SLC39A8: variants seen among roughly 807,000 people sequenced by gnomAD.
The protein encoded by SLC39A8 is metal cation symporter ZIP8.
In SLC39A8, 15 loss-of-function variants were observed where a neutral mutation model predicts 40.4. The ratio of observed to expected loss-of-function variants is 0.37; its 90% CI spans 0.25 to 0.57. The LOEUF (loss-of-function observed/expected upper bound fraction) is 0.57, where lower values mean the gene tolerates loss of function less well. Among genes scored for constraint, SLC39A8 ranks in the 20% least tolerant of loss-of-function variants. The probability of loss-of-function intolerance (pLI) is 0.75; values close to 1 mark genes in which losing one functional copy is unlikely to be tolerated. For synonymous variants in SLC39A8, 223 were observed against 221.6 expected (o/e 1.01, Z -0.06); for missense variants, 472 against 558.8 (o/e 0.84, Z 1.57).
At chr4:102,290,456 A>G (rs1733375982) in intron 6 of SLC39A8, among the ~76,000 whole-genome samples, 1 of 152,144 alleles carries the variant, frequency 6.6e-6, no homozygotes. Flanking sequence ...GGTAAAGAAC[A>G]TAATGATGTT....
At chr4:102,259,411 A>C, downstream of SLC39A8, 1 of 1,362,308 alleles carries the variant, frequency 7.3e-7, no homozygotes, top group Non-Finnish European at 1.0e-6. Flanking sequence ...TAAACTTTAA[A>C]ACATGCAAGC....
In SLC39A8 at chr4:102,262,172, T is replaced by C. The variant is rs546579235; in HGVS notation, c.*872A>G. ...TCTCTGCTAAATAGTTATGTTTGTC[T>C]TTAAAAGTAAATTGCATAAAATTAC... On this transcript the variant is annotated 3_prime_UTR_variant, in exon 9 of 9. Coordinates refer to ENST00000356736, the MANE Select transcript of SLC39A8 (RefSeq NM_001135146.2). 205 of 985,854 alleles carry C rather than the reference T, an allele frequency of 2.1e-4. No individual in the cohort carries two copies. The highest frequency in any genetic ancestry group is 2.4e-4 in the Non-Finnish European group (196 of 829,884). 61.1% of individuals were successfully genotyped at this position (985,854 alleles called of 1,614,324 possible). A position where few individuals can be genotyped will look rare whatever the true frequency, so the allele number is the denominator to read the frequency against.
chr4:102,253,474 G>T, intron 11 of SLC39A8: 2 of 701,462 alleles, frequency 2.9e-6, no homozygotes, highest in Admixed American at 2.1e-5. Flanking sequence ...TTAAGCATGT[G>T]AGTTACCATG....
intron 6 of SLC39A8, among the ~76,000 whole-genome samples, chr4:102,283,019 C>A (rs1200181371): frequency 6.6e-6 from 1 of 152,224 alleles, no homozygotes; most frequent in African/African-American, 2.4e-5. Flanking sequence ...AGCCACCACA[C>A]CCAGCCCTCA....
chr4:102,298,175 A>T (rs1054837925), intron 6 of SLC39A8, among the ~76,000 whole-genome samples: 2 of 148,658 alleles, frequency 1.3e-5, no homozygotes, highest in East Asian at 2.0e-4. Flanking sequence ...GTGGAGTAAT[A>T]AAAAAAAAAC....
At chr4:102,298,123 C>T (rs188999054) in intron 6 of SLC39A8, among the ~76,000 whole-genome samples, 2 of 151,980 alleles carry the variant, frequency 1.3e-5, no homozygotes, top group East Asian at 3.9e-4. Flanking sequence ...ATCATCATCT[C>T]AGTCTCCTTG....
intron 3 of SLC39A8, among the ~76,000 whole-genome samples, chr4:102,312,507 C>A (rs2149038610): frequency 6.6e-6 from 1 of 152,208 alleles, no homozygotes; most frequent in Non-Finnish European, 1.5e-5. Context: ...GTAACCTAGT[C>A]AACTGGGGTT....
At chr4:102,281,356 G>A (rs1345985096) in intron 6 of SLC39A8, among the ~76,000 whole-genome samples, 1 of 152,176 alleles carries the variant, frequency 6.6e-6, no homozygotes, top group Non-Finnish European at 1.5e-5. Context: ...AGGATGGGAT[G>A]CCGTGGAGAA....
chr4:102,304,234 A>G, intron 6 of SLC39A8, 83 bp downstream of exon 6: 1 of 1,068,486 alleles, frequency 9.4e-7, no homozygotes, highest in East Asian at 2.6e-5. Context: ...AATGTACAAA[A>G]ACTGACTTAG....
At chr4:102,321,296 A>T (rs1734955596) in intron 2 of SLC39A8, among the ~76,000 whole-genome samples, 1 of 152,222 alleles carries the variant, frequency 6.6e-6, no homozygotes, top group Admixed American at 6.5e-5. Flanking sequence ...TAGAAAGAGG[A>T]TGCTGCTACT....
chr4:102,338,376 T>C (rs968332093), intron 2 of SLC39A8, among the ~76,000 whole-genome samples: 10 of 151,994 alleles, frequency 6.6e-5, no homozygotes, highest in African/African-American at 2.4e-4. Context: ...TTAGTAGAGA[T>C]GGGGTTTCAC....
intron 3 of SLC39A8, among the ~76,000 whole-genome samples, chr4:102,308,846 C>A (rs1258703864): frequency 6.6e-6 from 1 of 152,042 alleles, no homozygotes; most frequent in African/African-American, 2.4e-5. Flanking sequence ...CTTATTTGAA[C>A]CTCACAAAAC....
intron 6 of SLC39A8, among the ~76,000 whole-genome samples, chr4:102,295,136 AC>A (rs1292564566): frequency 6.8e-6 from 1 of 148,122 alleles, no homozygotes; most frequent in Non-Finnish European, 1.5e-5. Flanking sequence ...ATAATATAAA[AC>A]TTTATATATG....
chr4:102,260,558 G>A (rs1215124983), downstream of SLC39A8, among the ~76,000 whole-genome samples: 5 of 152,218 alleles, frequency 3.3e-5, no homozygotes, highest in Non-Finnish European at 5.9e-5. Flanking sequence ...AATCTTGAAG[G>A]TGGGAGTCAC....
At chr4:102,327,581 AT>A (rs1264749723) in intron 2 of SLC39A8, among the ~76,000 whole-genome samples, 1 of 152,142 alleles carries the variant, frequency 6.6e-6, no homozygotes. Context: ...CCTGTTATCT[AT>A]TTGTTTAGCA....
downstream of SLC39A8, among the ~76,000 whole-genome samples, chr4:102,259,690 T>C (rs1186591523): frequency 6.6e-6 from 1 of 152,242 alleles, no homozygotes; most frequent in African/African-American, 2.4e-5. Context: ...TATGATGATC[T>C]CTGGTTACTT....
intron 6 of SLC39A8, among the ~76,000 whole-genome samples, chr4:102,295,403 G>A (rs1019681294): frequency 2.6e-5 from 4 of 151,936 alleles, no homozygotes; most frequent in African/African-American, 9.7e-5. Flanking sequence ...GGATATCAAA[G>A]TAGTCCATGA....
At chr4:102,258,890 C>T (rs181071613), downstream of SLC39A8, among the ~76,000 whole-genome samples, 562 of 152,330 alleles carry the variant, frequency 3.7e-3, 2 homozygotes, top group Middle Eastern at 0.027. Flanking sequence ...TAGTACCCCT[C>T]TTACACAAGA....
intron 6 of SLC39A8, among the ~76,000 whole-genome samples, chr4:102,298,360 A>G (rs967505270): frequency 2.0e-5 from 3 of 152,038 alleles, no homozygotes; most frequent in African/African-American, 7.2e-5. Flanking sequence ...GAGAAATTCC[A>G]CTAACAGCAA....
Sources: allele counts gnomAD v4.1 joint callset (sites outside exome capture counted in the v4.1 genomes callset), GRCh38; gene constraint gnomAD v4.1.1; transcripts MANE v1.5; gene names NCBI Gene and HGNC (gene_info 2026-07-23, HGNC 2026-07-21).